The following XYLB variants were observed in gnomAD, a reference collection of about 807,000 sequenced individuals.
The protein encoded by XYLB is xylulose kinase.
In XYLB, 62 loss-of-function variants were observed where a neutral mutation model predicts 78.7. That is an observed-to-expected ratio of 0.79 (90% confidence interval 0.64 to 0.97). XYLB has a LOEUF of 0.97. Among genes scored for constraint, XYLB ranks in the 50% least tolerant of loss-of-function variants. The probability of loss-of-function intolerance (pLI) is 0.00; values close to 1 mark genes in which losing one functional copy is unlikely to be tolerated. For missense variants in XYLB, 687 were observed against 676.8 expected, an observed-to-expected ratio of 1.02 and a Z score of -0.17; for synonymous variants, 245 against 247.4, an observed-to-expected ratio of 0.99 and a Z score of 0.09.
intron 17 of XYLB, 82 bp from the exon 18 acceptor site, chr3:38,400,809 C>G: frequency 1.7e-6 from 2 of 1,169,466 alleles, no homozygotes; most frequent in Non-Finnish European, 2.5e-6. Context: ...AGTTTGCCAC[C>G]CCAGTGAGAT....
chr3:38,401,744 G>T (rs1193573349), intron 18 of XYLB, among the ~76,000 whole-genome samples: 1 of 152,112 alleles, frequency 6.6e-6, no homozygotes. Context: ...GTCAGCTGAG[G>T]GCTCTCTGCC....
the XYLB span, among the ~76,000 whole-genome samples, chr3:38,442,319 G>A: frequency 6.6e-6 from 1 of 152,164 alleles, no homozygotes; most frequent in African/African-American, 2.4e-5. Context: ...CTTCTGAACT[G>A]GTAGCCAAAA....
chr3:38,374,446 C>T lies in XYLB; in HGVS notation c.848-16C>T. 6.2e-7 allele frequency: 1 copy of T among 1,614,038 alleles called. No individual in the cohort carries two copies. The highest frequency in any genetic ancestry group is 1.1e-5 in the South Asian group (1 of 91,080). On this transcript the variant is annotated splice_polypyrimidine_tract_variant and intron_variant, in intron 10 of 18. Coordinates refer to ENST00000207870, the MANE Select transcript of XYLB (RefSeq NM_005108.4). ...TGTGGCCGCCAGCTAACCAGAAGCT[C>T]CCCTCCCATTCTCAGCGTCGCTGGC...
At chr3:38,395,922 A>C (rs1474958918) in intron 16 of XYLB, among the ~76,000 whole-genome samples, 1 of 152,196 alleles carries the variant, frequency 6.6e-6, no homozygotes, top group African/African-American at 2.4e-5. Flanking sequence ...TGATTCTCCA[A>C]CCAGTCCTCT....
rs762733047 is a variant in XYLB at position 38,346,890 on chromosome 3, C to T, written c.22C>T (p.Arg8Cys). 49 of 1,519,612 alleles carry T rather than the reference C, an allele frequency of 3.2e-5. No individual in the cohort carries two copies. In the Admixed American group the frequency reaches 1.0e-3, roughly 31 times the overall value. 94.1% of individuals were successfully genotyped at this position (1,519,612 alleles called of 1,614,324 possible). ...GGCCATGGCGGAGCACGCCCCTCGCCGCTGCTGCCTGGGCTGGGACTTCAG... is the reference window on the plus strand; with the variant it reads ...GGCCATGGCGGAGCACGCCCCTCGCTGCTGCTGCCTGGGCTGGGACTTCAG... The part of the protein sequence containing the change: MAEHAPR[R>C]CCLGWDFSTQ... The change falls in exon 1 of 19, where the codon CGC (arginine) becomes TGC (cysteine). Residue 8 changes from arginine (R) to cysteine (C), a missense_variant. By Grantham distance (180) the Arg-to-Cys change is radical. Coordinates refer to ENST00000207870, the MANE Select transcript of XYLB (RefSeq NM_005108.4).
rs140835310 is a variant in XYLB, at chr3:38,381,357, G to A, written c.1291+2015G>A. Reference sequence around the variant, plus strand: ...TCCTGTCAGCTGAGGAGGATATATCGCCTCAGGACCCTGTAATAATTGCAT... The same window carrying A: ...TCCTGTCAGCTGAGGAGGATATATCACCTCAGGACCCTGTAATAATTGCAT... On this transcript the variant is annotated intron_variant, in intron 15 of 18. Transcript: ENST00000207870. Among the ~76,000 whole-genome samples, 398 of 152,030 alleles carry A rather than the reference G, an allele frequency of 2.6e-3. 2 individuals carry two copies. The highest frequency in any genetic ancestry group is 9.3e-3 in the African/African-American group (387 of 41,454).
chr3:38,391,238 A>AAC (rs201393687), intron 15 of XYLB, among the ~76,000 whole-genome samples: 4 of 7,834 alleles, frequency 5.1e-4, no homozygotes, highest in Non-Finnish European at 6.4e-3. Context: ...CAACAACAAC[A>AAC]AAAAAAAAGA....
At chr3:38,412,815 C>T (rs773623999) in intron 18 of XYLB, 121 bp from the exon 19 acceptor site, 12 of 785,764 alleles carry the variant, frequency 1.5e-5, no homozygotes, top group East Asian at 6.0e-5. Context: ...TGCTTTCTTT[C>T]GCCCAGAAAA....
intron 17 of XYLB, 84 bp downstream of exon 17, chr3:38,397,243 G>A (rs1194288306): frequency 3.9e-6 from 5 of 1,290,598 alleles, no homozygotes; most frequent in African/African-American, 2.9e-5. Context: ...GGAGAGTGAG[G>A]TGTACCCAGT....
At chr3:38,395,681 T>A in intron 16 of XYLB, 118 bp downstream of exon 16, 2 of 1,073,042 alleles carry the variant, frequency 1.9e-6, no homozygotes, top group South Asian at 2.7e-5. Context: ...TGGGGAGCTC[T>A]TAGCTCACAC....
rs1327904004 is a variant in XYLB at position 38,413,311 on chromosome 3, T to A, written c.*298T>A. The A allele has an allele frequency of 1.3e-5, 4 of 312,206 alleles. No individual in the cohort carries two copies. Among genetic ancestry groups the A allele is most frequent in the Non-Finnish European group, 1.2e-5 (2 of 172,436 alleles). The allele number at this position is 312,206 out of a possible 1,614,324, so 19.3% of individuals were successfully genotyped here. On this transcript the variant is annotated 3_prime_UTR_variant, in exon 19 of 19. Coordinates refer to ENST00000207870, the MANE Select transcript of XYLB (RefSeq NM_005108.4). ...GATATGTCCAATAAAAACTATGACTTTTCCCCTTGCAGAGGCAGAATTAAA... is the reference window on the plus strand; with the variant it reads ...GATATGTCCAATAAAAACTATGACTATTCCCCTTGCAGAGGCAGAATTAAA...
chr3:38,438,650 C>T, the XYLB span, among the ~76,000 whole-genome samples: 2 of 152,178 alleles, frequency 1.3e-5, no homozygotes, highest in Non-Finnish European at 2.9e-5. Flanking sequence ...ATAAAGCTGG[C>T]ATGGACCCAA....
chr3:38,418,461 A>T (rs1317042161), downstream of XYLB, among the ~76,000 whole-genome samples: 1 of 152,198 alleles, frequency 6.6e-6, no homozygotes, highest in African/African-American at 2.4e-5. Context: ...TCCAATAGGA[A>T]TCTGCACAAA....
At chr3:38,391,553 C>T (rs1272735903) in intron 15 of XYLB, among the ~76,000 whole-genome samples, 1 of 152,166 alleles carries the variant, frequency 6.6e-6, no homozygotes, top group African/African-American at 2.4e-5. Context: ...TGTTAATTTT[C>T]ATTGTACTGT....
the XYLB span, among the ~76,000 whole-genome samples, chr3:38,434,006 C>T: frequency 1.3e-5 from 2 of 152,140 alleles, no homozygotes; most frequent in Non-Finnish European, 2.9e-5. Flanking sequence ...CCTCAGGAAA[C>T]TTACAATCAT....
In XYLB at chr3:38,397,135, G is replaced by T. The variant is rs756472914; in HGVS notation, c.1414G>T (p.Gly472Cys). Reference protein sequence around the residue: ...VIDTANSACVGSAYRAFHGLA... With the variant: ...VIDTANSACVCSAYRAFHGLA... ...AGACACTGCCAACTCGGCCTGTGTG[G>T]GTTCTGCATACCGAGCTTTTCATGG... The change falls in exon 17 of 19, where the codon GGT becomes TGT. Residue 472 changes from glycine to cysteine, a missense_variant. Coordinates refer to ENST00000207870, the MANE Select transcript of XYLB (RefSeq NM_005108.4). 3.3e-5 allele frequency: 53 copies of T among 1,614,118 alleles called. No individual in the cohort carries two copies. The highest frequency in any genetic ancestry group is 4.4e-5 in the Non-Finnish European group (52 of 1,180,034).
At chr3:38,440,502 C>A in the XYLB span, among the ~76,000 whole-genome samples, 1 of 152,202 alleles carries the variant, frequency 6.6e-6, no homozygotes, top group Non-Finnish European at 1.5e-5. Context: ...TTTGGAGGAA[C>A]CATCTATCAT....
At chr3:38,389,772 T>G (rs1707572365) in intron 15 of XYLB, among the ~76,000 whole-genome samples, 1 of 152,292 alleles carries the variant, frequency 6.6e-6, no homozygotes, top group South Asian at 2.1e-4. Flanking sequence ...CTTTCTCTGT[T>G]TTCCAGCTCT....
In XYLB at chr3:38,365,231, C is replaced by T. The variant is rs1239067874; in HGVS notation, c.324C>T (p.Ala108=). 6.2e-7 allele frequency: 1 copy of T among 1,614,066 alleles called. No individual in the cohort carries two copies. Among genetic ancestry groups the T allele is most frequent in the Non-Finnish European group, 8.5e-7 (1 of 1,180,036 alleles). The change falls in exon 5 of 19, where the codon GCC becomes GCT. Residue 108 remains alanine (A), a synonymous_variant. Transcript: ENST00000207870. ...QHGSIYWKAG[A]QQALTSLSPD... ...GAAGTATATACTGGAAGGCTGGAGC[C>T]CAGCAGGCACTGACAAGCTTATCAC...
Sources: allele counts gnomAD v4.1 joint callset (sites outside exome capture counted in the v4.1 genomes callset), GRCh38; gene constraint gnomAD v4.1.1; transcripts MANE v1.5; gene names NCBI Gene and HGNC (gene_info 2026-07-23, HGNC 2026-07-21).